The following DNASE1 variants were observed in gnomAD, a reference collection of about 807,000 sequenced individuals.
DNASE1 encodes the protein deoxyribonuclease-1.
Under a neutral mutation model 33.9 loss-of-function variants are expected in DNASE1, and 40 were observed. The ratio of observed to expected loss-of-function variants is 1.18; its 90% CI spans 0.92 to 1.54. DNASE1 has a LOEUF of 1.54. Among genes scored for constraint, DNASE1 ranks in the 40% most tolerant of loss-of-function variants. The pLI is 0.00. For missense variants in DNASE1, 518 were observed against 372.6 expected (o/e 1.39, Z -3.21); for synonymous variants, 216 against 160.0 (o/e 1.35, Z -2.64).
rs2042671781 is a variant in DNASE1 at position 3,656,763 on chromosome 16, G to T, written c.436+10G>T. ...TTCTCCCGGTTCACAGGTGGGTGCT[G>T]CCTGGGCCAGGGTGGGGCTCGGCTT... On this transcript the variant is annotated intron_variant, in intron 5 of 8. Transcript: ENST00000246949. 6.3e-7 allele frequency: 1 copy of T among 1,597,052 alleles called. No homozygotes were observed. The highest frequency in any genetic ancestry group is 1.3e-5 in the African/African-American group (1 of 74,376).
chr16:3,639,797 C>T (rs760257049), upstream of DNASE1, among the ~76,000 whole-genome samples: 6 of 152,194 alleles, frequency 3.9e-5, no homozygotes, highest in South Asian at 2.1e-4. Flanking sequence ...TGTGGTGGCT[C>T]ATGCCTGTAA....
chr16:3,651,180 C>G (rs1380631963), upstream of DNASE1: 1 of 152,224 alleles, frequency 6.6e-6, no homozygotes, highest in Non-Finnish European at 1.5e-5. Context: ...TCCTTTGAGG[C>G]CATTTGTTTC....
downstream of DNASE1, chr16:3,660,264 C>G (rs550362861): frequency 1.3e-5 from 2 of 152,194 alleles, no homozygotes; most frequent in African/African-American, 2.4e-5. Context: ...ACTGGGGACA[C>G]AGGTAGGAGG....
upstream of DNASE1, among the ~76,000 whole-genome samples, chr16:3,650,251 C>T (rs1043790147): frequency 2.0e-5 from 3 of 152,156 alleles, no homozygotes; most frequent in Non-Finnish European, 2.9e-5. Context: ...TAAATCTGAG[C>T]ATCATCTGGT....
At chr16:3,645,959 C>G (rs527267589) in intron 1 of DNASE1, among the ~76,000 whole-genome samples, 14 of 152,160 alleles carry the variant, frequency 9.2e-5, no homozygotes, top group Non-Finnish European at 1.8e-4. Flanking sequence ...TACCTGAGTA[C>G]AGGATAGTAG....
chr16:3,647,461 A>G (rs778910102), intron 1 of DNASE1, among the ~76,000 whole-genome samples: 2 of 151,894 alleles, frequency 1.3e-5, no homozygotes, highest in Non-Finnish European at 2.9e-5. Context: ...TTTTGTAGAG[A>G]CAGGTTCTTG....
intron 1 of DNASE1, among the ~76,000 whole-genome samples, chr16:3,647,816 C>T (rs1669209617): frequency 6.6e-6 from 1 of 152,008 alleles, no homozygotes; most frequent in African/African-American, 2.4e-5. Context: ...GCAGCCTGGG[C>T]AGCACAGTGA....
intron 1 of DNASE1, among the ~76,000 whole-genome samples, chr16:3,643,436 C>T (rs1158556927): frequency 6.6e-6 from 1 of 152,216 alleles, no homozygotes; most frequent in Non-Finnish European, 1.5e-5. Flanking sequence ...TGGGACCAAC[C>T]CTGCCTCGCC....
chr16:3,664,508 A>T, exon 10 of DNASE1: 1 of 1,551,114 alleles, frequency 6.4e-7, no homozygotes, highest in Non-Finnish European at 8.7e-7. Context: ...CATGGGCTCA[A>T]TGTTGCCCAA....
chr16:3,611,809 A>C (rs1048881237), exon 1 of DNASE1: 1 of 152,188 alleles, frequency 6.6e-6, no homozygotes, highest in South Asian at 2.1e-4. Flanking sequence ...TTTTTGAGAA[A>C]GAGTTAGGGC....
At chr16:3,653,070 G>C (rs1422472824), upstream of DNASE1, 1 of 152,240 alleles carries the variant, frequency 6.6e-6, no homozygotes, top group South Asian at 2.1e-4. Context: ...AAAAGGACTT[G>C]CAGATGTGAG....
chr16:3,638,127 G>GTC (rs2041926959), upstream of DNASE1, among the ~76,000 whole-genome samples: 1 of 151,370 alleles, frequency 6.6e-6, no homozygotes, highest in Non-Finnish European at 1.5e-5. Flanking sequence ...GTGTGTGTGT[G>GTC]TGTGTGTGTG....
chr16:3,662,068 TGGC>T, downstream of DNASE1: 1 of 1,613,264 alleles, frequency 6.2e-7, no homozygotes, highest in Non-Finnish European at 8.5e-7. Context: ...GCGCAGGAAG[TGGC>T]GGGCAGCCCC....
chr16:3,619,036 G>C (rs1479249595), intron 1 of DNASE1, among the ~76,000 whole-genome samples: 1 of 151,272 alleles, frequency 6.6e-6, no homozygotes, highest in Non-Finnish European at 1.5e-5. Context: ...GGGCCCCTGG[G>C]TAATTTTTTT....
intron 1 of DNASE1, among the ~76,000 whole-genome samples, chr16:3,617,466 A>C (rs967593244): frequency 3.3e-5 from 5 of 152,204 alleles, no homozygotes; most frequent in African/African-American, 1.2e-4. Flanking sequence ...AAAATTAAAA[A>C]CTTTTTTGTG....
intron 1 of DNASE1, among the ~76,000 whole-genome samples, chr16:3,634,953 C>T (rs1322523439): frequency 6.6e-6 from 1 of 152,090 alleles, no homozygotes; most frequent in Non-Finnish European, 1.5e-5. Flanking sequence ...GGCTTATTCA[C>T]CCCTCCTTAG....
chr16:3,641,614 A>G (rs1014017125), upstream of DNASE1, among the ~76,000 whole-genome samples: 1 of 152,232 alleles, frequency 6.6e-6, no homozygotes, highest in Non-Finnish European at 1.5e-5. Flanking sequence ...TCAGCCCCAC[A>G]GGTGCCCTCA....
chr16:3,661,946 G>C (rs1376606006), downstream of DNASE1: 4 of 1,555,062 alleles, frequency 2.6e-6, no homozygotes, highest in Admixed American at 1.9e-5. Flanking sequence ...CAGGATTCTG[G>C]GGAATCCCAC....
At chr16:3,636,027 C>T (rs1596594682) in intron 1 of DNASE1, among the ~76,000 whole-genome samples, 1 of 152,272 alleles carries the variant, frequency 6.6e-6, no homozygotes, top group East Asian at 1.9e-4. Context: ...ACTTTTTCTG[C>T]TCATTTCTGC....
Sources: allele counts gnomAD v4.1 joint callset (sites outside exome capture counted in the v4.1 genomes callset), GRCh38; gene constraint gnomAD v4.1.1; transcripts MANE v1.5; gene names NCBI Gene and HGNC (gene_info 2026-07-23, HGNC 2026-07-21).